Variants in FSTL4 observed in about 807,000 individuals in gnomAD.
The protein encoded by FSTL4 is follistatin like 4.
In FSTL4, 28 loss-of-function variants were observed where a neutral mutation model predicts 78.2. That is an observed-to-expected ratio of 0.36 (90% CI 0.27 to 0.49). The LOEUF (loss-of-function observed/expected upper bound fraction) is 0.49, where lower values mean the gene tolerates loss of function less well. Ranked by LOEUF, FSTL4 falls within the 20% of genes least tolerant of loss-of-function variation. The pLI, the probability that FSTL4 is intolerant of heterozygous loss-of-function variation, is 0.98. For missense variants in FSTL4, 922 were observed against 1,084.9 expected (o/e 0.85, Z 2.11); for synonymous variants, 422 against 440.5 (o/e 0.96, Z 0.53).
At chr5:133,356,266 C>G (rs1379850535) in intron 4 of FSTL4, among the ~76,000 whole-genome samples, 1 of 152,260 alleles carries the variant, frequency 6.6e-6, no homozygotes, top group African/African-American at 2.4e-5. Flanking sequence ...CATCACCAAT[C>G]AGCCCCTTCA....
intron 3 of FSTL4, among the ~76,000 whole-genome samples, chr5:133,419,178 G>A (rs930325708): frequency 1.3e-5 from 2 of 152,064 alleles, no homozygotes; most frequent in Admixed American, 6.5e-5. Context: ...CCAGGCTGGA[G>A]TGCAGTGGCA....
At chr5:133,201,734 G>C (rs527477247) in intron 15 of FSTL4, among the ~76,000 whole-genome samples, 199 bp downstream of exon 15, 1 of 152,350 alleles carries the variant, frequency 6.6e-6, no homozygotes, top group South Asian at 2.1e-4. Flanking sequence ...GTATAATAGA[G>C]TTATTGACCC....
chr5:133,436,897 G>T (rs1757044748), intron 3 of FSTL4, among the ~76,000 whole-genome samples: 1 of 152,190 alleles, frequency 6.6e-6, no homozygotes, highest in Admixed American at 6.5e-5. Flanking sequence ...GAGTCTTGTT[G>T]AGAAAAAACT....
At chr5:133,797,643 G>T in the FSTL4 span, among the ~76,000 whole-genome samples, 4 of 152,036 alleles carry the variant, frequency 2.6e-5, no homozygotes, top group African/African-American at 9.7e-5. Flanking sequence ...GCCAAGAGGG[G>T]GTCCGTTTAG....
chr5:133,309,057 C>T (rs1753716986), intron 6 of FSTL4, among the ~76,000 whole-genome samples: 1 of 152,200 alleles, frequency 6.6e-6, no homozygotes. Context: ...TGATCCCAAC[C>T]TGAGCACTCA....
chr5:133,700,697 T>C, the FSTL4 span, among the ~76,000 whole-genome samples: 1 of 152,256 alleles, frequency 6.6e-6, no homozygotes, highest in Non-Finnish European at 1.5e-5. Context: ...TTCTCATTAC[T>C]GCTCTGCCAT....
chr5:133,329,370 T>C (rs1413955350), intron 4 of FSTL4, among the ~76,000 whole-genome samples: 2 of 152,048 alleles, frequency 1.3e-5, no homozygotes, highest in Admixed American at 1.3e-4. Flanking sequence ...GGGGTTCTCT[T>C]AGAGGGCCAG....
chr5:133,434,942 A>G (rs1757007977), intron 3 of FSTL4, among the ~76,000 whole-genome samples: 1 of 152,076 alleles, frequency 6.6e-6, no homozygotes, highest in South Asian at 2.1e-4. Flanking sequence ...CCCTCTGTTC[A>G]TGTTCTTCAC....
chr5:133,443,689 G>A (rs1007486498), intron 3 of FSTL4, among the ~76,000 whole-genome samples: 3 of 152,130 alleles, frequency 2.0e-5, no homozygotes, highest in Admixed American at 1.3e-4. Context: ...ATTCTGAGGA[G>A]GGCACAGACT....
At chr5:133,692,409 C>T in the FSTL4 span, among the ~76,000 whole-genome samples, 4 of 152,126 alleles carry the variant, frequency 2.6e-5, no homozygotes, top group African/African-American at 7.2e-5. Context: ...CAGATCTCTC[C>T]CTCACGAAGA....
intron 3 of FSTL4, among the ~76,000 whole-genome samples, chr5:133,502,347 T>C (rs1019891336): frequency 2.0e-5 from 3 of 152,140 alleles, no homozygotes; most frequent in Admixed American, 6.5e-5. Context: ...AACATGCCAC[T>C]GCCAATTTGA....
the FSTL4 span, among the ~76,000 whole-genome samples, chr5:133,730,587 G>A: frequency 2.0e-5 from 3 of 152,182 alleles, no homozygotes; most frequent in Admixed American, 6.5e-5. Context: ...CCTGGACAAC[G>A]GTGTCCTTCA....
At chr5:133,217,201 T>C in intron 13 of FSTL4, 28 bp downstream of exon 13, 2 of 1,589,520 alleles carry the variant, frequency 1.3e-6, no homozygotes, top group Non-Finnish European at 1.7e-6. Context: ...GAATTTGAAG[T>C]TTTCCTCACT....
rs747662451 is a variant in FSTL4, at chr5:133,199,352, C to T, written c.2272G>A (p.Glu758Lys). Residue 758 changes from glutamate to lysine, a missense_variant, in exon 16 of 16, where the codon GAG (glutamate) becomes AAG (lysine). Physicochemically the swap from Glu to Lys is moderately conservative, Grantham distance 56 (BLOSUM62 1). Coordinates refer to ENST00000265342, the MANE Select transcript of FSTL4 (RefSeq NM_015082.2). This position sits in a 1 kb window ranked among gnomAD's most constrained non-coding sequence, Gnocchi z 4.4. ...QYNIYAALHTEPDLLFLELST... is the reference protein window; with the variant it reads ...QYNIYAALHTKPDLLFLELST... ...AGCTCCAGGAACAGCAGGTCCGGCT[C>T]CGTGTGCAGAGCCGCGTAGATGTTG... 6.2e-7 allele frequency: 1 copy of T among 1,614,166 alleles called. No individual in the cohort carries two copies. Among genetic ancestry groups the T allele is most frequent in the Non-Finnish European group, 8.5e-7 (1 of 1,180,032 alleles).
At chr5:133,713,609 C>T in the FSTL4 span, among the ~76,000 whole-genome samples, 8 of 152,248 alleles carry the variant, frequency 5.3e-5, no homozygotes, top group African/African-American at 1.9e-4. Context: ...AGGATCCTTC[C>T]ATCTTCCCAG....
chr5:133,247,274 C>T (rs1752068308), intron 7 of FSTL4: 1 of 152,158 alleles, frequency 6.6e-6, no homozygotes, highest in Non-Finnish European at 1.5e-5. Flanking sequence ...CCACAATTAC[C>T]CAAATTGCTA....
At chr5:133,691,299 A>G in the FSTL4 span, among the ~76,000 whole-genome samples, 2 of 152,316 alleles carry the variant, frequency 1.3e-5, no homozygotes, top group East Asian at 3.9e-4. Context: ...TGCCAGCCAT[A>G]TACTCTGTTG....
the FSTL4 span, among the ~76,000 whole-genome samples, chr5:133,831,064 G>A: frequency 6.6e-6 from 1 of 152,276 alleles, no homozygotes; most frequent in Non-Finnish European, 1.5e-5. Flanking sequence ...AGGTGAAGTT[G>A]TTTCTGCCCT....
intron 3 of FSTL4, among the ~76,000 whole-genome samples, chr5:133,504,417 G>A (rs780815711): frequency 3.9e-5 from 6 of 152,078 alleles, no homozygotes; most frequent in Non-Finnish European, 8.8e-5. Context: ...CAAACCACAA[G>A]TGTTGCTCTT....
Sources: gnomAD v4.1 joint callset for allele counts (sites outside exome capture counted in the v4.1 genomes callset) on GRCh38, gnomAD v4.1.1 for gene constraint, Gnocchi (gnomAD v3.1) non-coding constraint, MANE v1.5 for transcripts, NCBI Gene and HGNC (gene_info 2026-07-23, HGNC 2026-07-21) for gene names.